FAM227B: variants seen among roughly 807,000 people sequenced by gnomAD.
FAM227B encodes the protein family with sequence similarity 227 member B, also known as protein FAM227B.
FAM227B carries 88 observed loss-of-function variants against 73.8 expected under a neutral mutation model. That is an observed-to-expected ratio of 1.19 (90% CI 1.00 to 1.42). FAM227B has a LOEUF of 1.42. FAM227B is among the 40% of genes most tolerant of loss of function. The pLI is 0.00. For synonymous variants in FAM227B, 210 were observed against 190.5 expected, an observed-to-expected ratio of 1.10 and a Z score of -0.84; for missense variants, 632 against 590.9, an observed-to-expected ratio of 1.07 and a Z score of -0.72.
intron 10 of FAM227B, among the ~76,000 whole-genome samples, chr15:49,535,314 AAAACCT>A (rs1169025811): frequency 6.6e-6 from 1 of 151,752 alleles, no homozygotes; most frequent in Non-Finnish European, 1.5e-5. Flanking sequence ...TCAAATTGAA[AAAACCT>A]AAATGGAATG....
chr15:49,357,219 A>G (rs554302529), intron 13 of FAM227B, among the ~76,000 whole-genome samples: 240 of 150,468 alleles, frequency 1.6e-3, no homozygotes, highest in African/African-American at 5.2e-3. Flanking sequence ...GCAGAAGGCA[A>G]GAAATAACTA....
chr15:49,577,853 T>C (rs1310964387), intron 5 of FAM227B, among the ~76,000 whole-genome samples, 189 bp from the exon 6 acceptor site: 1 of 152,172 alleles, frequency 6.6e-6, no homozygotes, highest in African/African-American at 2.4e-5. Context: ...CTCAAACTAG[T>C]TATGGTTCAA....
intron 3 of FAM227B, among the ~76,000 whole-genome samples, chr15:49,598,012 A>C (rs558749038): frequency 6.6e-6 from 1 of 152,070 alleles, no homozygotes; most frequent in East Asian, 1.9e-4. Context: ...GTCCAGGACA[A>C]GGTGGATTCA....
At chr15:49,467,157 G>A (rs1360366735) in intron 11 of FAM227B, among the ~76,000 whole-genome samples, 1 of 152,234 alleles carries the variant, frequency 6.6e-6, no homozygotes, top group African/African-American at 2.4e-5. Flanking sequence ...AAAATAAAGG[G>A]AGAAAGTGGA....
At chr15:49,503,228 A>G (rs1157168280) in intron 11 of FAM227B, among the ~76,000 whole-genome samples, 2 of 152,226 alleles carry the variant, frequency 1.3e-5, no homozygotes, top group African/African-American at 4.8e-5. Context: ...CCATATGTAG[A>G]AAGCTGAAAC....
intron 11 of FAM227B, among the ~76,000 whole-genome samples, chr15:49,458,451 G>T (rs2053513581): frequency 6.6e-6 from 1 of 151,884 alleles, no homozygotes; most frequent in South Asian, 2.1e-4. Context: ...GTTTTATTTG[G>T]ATTATTTTTC....
intron 10 of FAM227B, among the ~76,000 whole-genome samples, chr15:49,522,547 A>G (rs902897706): frequency 1.7e-4 from 26 of 152,148 alleles, no homozygotes; most frequent in African/African-American, 5.8e-4. Context: ...ACACAGATAA[A>G]AAATTCAGAA....
At chr15:49,436,689 C>A (rs79404431) in intron 11 of FAM227B, among the ~76,000 whole-genome samples, 22,903 of 151,458 alleles carry the variant, frequency 0.15, 2,230 homozygotes, top group Non-Finnish European at 0.21. Flanking sequence ...AATTAAGTAA[C>A]TTGCTCTAGG....
At chr15:49,464,829 C>G (rs1057312328) in intron 11 of FAM227B, among the ~76,000 whole-genome samples, 1 of 152,072 alleles carries the variant, frequency 6.6e-6, no homozygotes, top group East Asian at 1.9e-4. Context: ...CCTTGCTTAG[C>G]GTTAATAAAA....
intron 9 of FAM227B, among the ~76,000 whole-genome samples, chr15:49,563,185 T>C (rs1419008837): frequency 6.6e-6 from 1 of 152,086 alleles, no homozygotes; most frequent in Non-Finnish European, 1.5e-5. Context: ...CTCAGTAGCA[T>C]TTCTATACAC....
chr15:49,594,278 C>CT (rs374484797), intron 3 of FAM227B, among the ~76,000 whole-genome samples: 37 of 151,780 alleles, frequency 2.4e-4, no homozygotes, highest in African/African-American at 8.5e-4. Flanking sequence ...GGAATTATTT[C>CT]TTTTTTTTCT....
chr15:49,439,198 G>T (rs1428470475), intron 11 of FAM227B, among the ~76,000 whole-genome samples: 2 of 151,514 alleles, frequency 1.3e-5, no homozygotes, highest in Non-Finnish European at 3.0e-5. Context: ...TCTTTGCTAT[G>T]TGGGCCTCTC....
intron 11 of FAM227B, among the ~76,000 whole-genome samples, chr15:49,413,124 T>C (rs2151694327): frequency 6.6e-6 from 1 of 152,262 alleles, no homozygotes; most frequent in African/African-American, 2.4e-5. Flanking sequence ...CTGATATGGT[T>C]TGGCTCTGTG....
chr15:49,350,155 AGT>A lies in FAM227B; in HGVS notation c.1272-14661_1272-14660del, dbSNP rs569352258. The stretch of plus-strand genomic sequence containing the variant: ...TTAAACTTTTCTTCTTACTCAAGGC[AGT>A]GTTGTTCATAGTACTTTCTGTGACA... On this transcript the variant is annotated intron_variant, in intron 13 of 15. Transcript: ENST00000299338. Among the ~76,000 whole-genome samples, 138 of 152,328 alleles carry A rather than the reference AGT, an allele frequency of 9.1e-4. 5 individuals are homozygous for A. The South Asian group carries it at 0.027, about 30-fold the overall frequency.
intron 13 of FAM227B, among the ~76,000 whole-genome samples, chr15:49,357,514 T>C (rs1265807403): frequency 2.6e-5 from 4 of 152,022 alleles, no homozygotes; most frequent in African/African-American, 9.7e-5. Flanking sequence ...CCTCGACACA[T>C]ACACTCTCCC....
rs544185181 is a variant in FAM227B, at chr15:49,391,651, C to T, written c.1013-20252G>A. 9.1e-4 allele frequency among the ~76,000 whole-genome samples: 138 copies of T among 152,196 alleles called. 5 individuals carry two copies. In the South Asian group the frequency reaches 0.028, roughly 30 times the overall value. On this transcript the variant is annotated intron_variant, in intron 11 of 15. Coordinates refer to ENST00000299338, the MANE Select transcript of FAM227B (RefSeq NM_152647.3). ...CTTCTGATGACCCCAAGTTTTTAAA[C>T]AAAGCCTTGACTTCCTTAAGCAATT...
rs374477211 is a variant in FAM227B at position 49,494,256 on chromosome 15, A to AACACACACACACAC, written c.1012+13941_1012+13954dup. Among the ~76,000 whole-genome samples the AACACACACACACAC allele has an allele frequency of 6.2e-3, 876 of 140,694 alleles. 11 individuals are homozygous for AACACACACACACAC. The highest frequency in any genetic ancestry group is 0.022 in the African/African-American group (844 of 39,062). 92.3% of individuals were successfully genotyped at this position (140,694 alleles called of 152,430 possible). A position where few individuals can be genotyped will look rare whatever the true frequency, so the allele number is the denominator to read the frequency against. On this transcript the variant is annotated intron_variant, in intron 11 of 15. Transcript: ENST00000299338. ...CTATTGCCTTAGTGGGAGACACACA[A>AACACACACACACAC]ACACACACACACACACACACACACA... is the stretch of plus-strand genomic sequence containing the variant.
chr15:49,477,060 G>GGAA (rs1555500554), intron 11 of FAM227B, among the ~76,000 whole-genome samples: 88 of 130,608 alleles, frequency 6.7e-4, no homozygotes, highest in African/African-American at 2.4e-3. Flanking sequence ...ACTCTGTCTC[G>GGAA]AAAAAAAAAA....
chr15:49,459,964 T>G (rs1484799738), intron 11 of FAM227B, among the ~76,000 whole-genome samples: 4 of 152,140 alleles, frequency 2.6e-5, no homozygotes, highest in Non-Finnish European at 5.9e-5. Context: ...TCTTAAATAT[T>G]TTTATCCACC....
Sources: allele counts gnomAD v4.1 joint callset (sites outside exome capture counted in the v4.1 genomes callset), GRCh38; gene constraint gnomAD v4.1.1; transcripts MANE v1.5; gene names NCBI Gene and HGNC (gene_info 2026-07-23, HGNC 2026-07-21).